Variants in TASOR2 observed in about 807,000 individuals in gnomAD.
TASOR2 encodes protein TASOR 2.
TASOR2 carries 84 observed loss-of-function variants against 199.5 expected under a neutral mutation model. The observed-to-expected ratio is 0.42, with a 90% CI of 0.35 to 0.50. The LOEUF (loss-of-function observed/expected upper bound fraction) is 0.50, where lower values mean the gene tolerates loss of function less well. Ranked by LOEUF, TASOR2 falls within the 20% of genes least tolerant of loss-of-function variation. TASOR2 has a pLI of 0.02. For missense variants in TASOR2, 2,796 were observed against 2,835.9 expected, an observed-to-expected ratio of 0.99 and a Z score of 0.32; for synonymous variants, 1,103 against 1,046.6, an observed-to-expected ratio of 1.05 and a Z score of -1.04.
rs773069662 is a variant in TASOR2, at chr10:5,710,982, T to C, written c.-287-1841T>C. On this transcript the variant is annotated intron_variant, in intron 1 of 20. Coordinates refer to ENST00000328090, the Ensembl canonical transcript of TASOR2. This position sits in a 1 kb window ranked among gnomAD's most constrained non-coding sequence, Gnocchi z 4.6. Reference sequence around the variant, plus strand: ...AATAAAGCTTTAATTTTAACTCTTATAACTGGTGTTTTGCTATTTGCATCT... The same window carrying C: ...AATAAAGCTTTAATTTTAACTCTTACAACTGGTGTTTTGCTATTTGCATCT... 6.6e-6 allele frequency among the ~76,000 whole-genome samples: 1 copy of C among 152,154 alleles called. No homozygotes were observed. The highest frequency in any genetic ancestry group is 1.5e-5 in the Non-Finnish European group (1 of 67,964).
chr10:5,725,390 CAAAAAAAAAAA>C, intron 8 of TASOR2, among the ~76,000 whole-genome samples: 1 of 78,968 alleles, frequency 1.3e-5, no homozygotes, highest in East Asian at 3.8e-4. Flanking sequence ...GACTCCATCT[CAAAAAAAAAAA>C]AAAAAAAAAA....
intron 10 of TASOR2, 66 bp downstream of exon 11, chr10:5,727,189 C>T: frequency 6.5e-7 from 1 of 1,541,170 alleles, no homozygotes; most frequent in Admixed American, 1.7e-5. Flanking sequence ...TCTGACTTGA[C>T]CTCTCAGCAG....
At chr10:5,712,357 C>G (rs1832034237) in intron 1 of TASOR2, 1 of 1,229,128 alleles carries the variant, frequency 8.1e-7, no homozygotes, top group African/African-American at 1.6e-5. Flanking sequence ...CCTTTGGAAT[C>G]TTAAATAGCT....
In TASOR2 at chr10:5,748,797, A is replaced by G; in HGVS notation, c.5376A>G (p.Val1792=). The change falls in exon 15 of 21, where the codon GTA becomes GTG. Residue 1792 remains valine (V), a synonymous_variant. Transcript: ENST00000328090. The surrounding 1 kb of genome is among the most constrained non-coding windows in gnomAD (Gnocchi z 5.1). ...TTTGTGGAATAGCCACAGAGCACGT[A>G]GAAATTGAGAACAGTGGGGAGGGGC... The G allele has an allele frequency of 6.2e-7, 1 of 1,614,200 alleles. No homozygotes were observed. The highest frequency in any genetic ancestry group is 1.1e-5 in the South Asian group (1 of 91,086).
intron 10 of TASOR2, among the ~76,000 whole-genome samples, chr10:5,729,686 TA>T (rs949181456): frequency 6.6e-6 from 1 of 152,260 alleles, no homozygotes; most frequent in Admixed American, 6.5e-5. Flanking sequence ...TACTTTTCTT[TA>T]AAAAGAATGG....
intron 8 of TASOR2, among the ~76,000 whole-genome samples, chr10:5,724,972 C>G (rs1215054286): frequency 6.6e-6 from 1 of 152,052 alleles, no homozygotes; most frequent in Non-Finnish European, 1.5e-5. Context: ...GACTGTCCAT[C>G]TCAAAATATT....
At position 5,748,260 on chromosome 10, in the gene TASOR2, C is replaced by T; in HGVS notation, c.4839C>T (p.Ser1613=). 6.2e-7 allele frequency: 1 copy of T among 1,614,204 alleles called. No homozygotes were observed. The highest frequency in any genetic ancestry group is 8.5e-7 in the Non-Finnish European group (1 of 1,180,044). The change falls in exon 15 of 21, where the codon AGC becomes AGT. Residue 1613 remains serine (S), a synonymous_variant. Transcript: ENST00000328090. This position sits in a 1 kb window ranked among gnomAD's most constrained non-coding sequence, Gnocchi z 5.1. ...TAAAACAGCAGACTAGCCCTAAAAG[C>T]AGTCAGAACCATCTCTTTCCCGGTG...
exon 15 of TASOR2, chr10:5,747,691 A>T: frequency 6.2e-7 from 1 of 1,614,202 alleles, no homozygotes; most frequent in Non-Finnish European, 8.5e-7. Context: ...GACTCCATGC[A>T]TTTTAAAACT....
Position 5,751,337 on chromosome 10 carries a change from G to A in TASOR2, c.6606+1310G>A, listed in dbSNP as rs1838006278. 6.6e-6 allele frequency among the ~76,000 whole-genome samples: 1 copy of A among 152,204 alleles called. No individual in the cohort carries two copies. Among genetic ancestry groups the A allele is most frequent in the Non-Finnish European group, 1.5e-5 (1 of 68,042 alleles). On this transcript the variant is annotated intron_variant, in intron 15 of 20. Coordinates refer to ENST00000328090, the Ensembl canonical transcript of TASOR2. This position sits in a 1 kb window ranked among gnomAD's most constrained non-coding sequence, Gnocchi z 5.3. ...ATGATGATTGCCAAATAGTGATACT[G>A]AAATTCCACCAGATTCCTTCTGCAT...
At chr10:5,745,907 G>T (rs1327969488) in intron 14 of TASOR2, among the ~76,000 whole-genome samples, 3 of 152,286 alleles carry the variant, frequency 2.0e-5, no homozygotes, top group South Asian at 4.1e-4. Flanking sequence ...ATTGTCAGTG[G>T]TCTAGTTATT....
chr10:5,745,416 A>G (rs17143159), intron 14 of TASOR2, among the ~76,000 whole-genome samples: 2,098 of 152,274 alleles, frequency 0.014, 64 homozygotes, highest in Admixed American at 0.081. Flanking sequence ...CCTCATGGGA[A>G]AGTTTCAGAT....
rs1335416451 is a variant in TASOR2, at chr10:5,746,189, A to G, written c.2768A>G (p.Glu923Gly). The G allele has an allele frequency of 2.0e-6, 3 of 1,532,452 alleles. No individual in the cohort carries two copies. The African/African-American group carries it at 4.2e-5, about 22-fold the overall frequency. The allele number at this position is 1,532,452 out of a possible 1,614,324, so 94.9% of individuals were successfully genotyped here. The change falls in exon 15 of 21, where the codon GAA (glutamate) becomes GGA (glycine). Residue 923 changes from glutamate (E) to glycine (G), a missense_variant. By Grantham distance (98) the Glu-to-Gly change is moderately conservative. Coordinates refer to ENST00000328090, the Ensembl canonical transcript of TASOR2. Reference sequence around the variant, plus strand: ...CTTTGGCCGTTTCAGGTAACTGGGGAAGAAGCTAAACAAGAATCATTGGAG... The same window carrying G: ...CTTTGGCCGTTTCAGGTAACTGGGGGAGAAGCTAAACAAGAATCATTGGAG...
At chr10:5,758,835 C>G (rs750764278) in intron 17 of TASOR2, 52 bp from the exon 19 acceptor site, 30 of 1,411,198 alleles carry the variant, frequency 2.1e-5, no homozygotes, top group Non-Finnish European at 2.8e-5. Context: ...TGGCATGAGC[C>G]AAAAGTACCT....
chr10:5,709,901 A>G (rs552671972), intron 1 of TASOR2, among the ~76,000 whole-genome samples: 2 of 152,178 alleles, frequency 1.3e-5, no homozygotes, highest in African/African-American at 2.4e-5. Context: ...CCTTTCTCAC[A>G]TGCTCTTTAT....
chr10:5,723,731 A>G (rs1286119309), exon 7 of TASOR2: 2 of 1,605,524 alleles, frequency 1.2e-6, no homozygotes, highest in African/African-American at 2.7e-5. Context: ...TGAAAAAAAG[A>G]CTACCAGAGG....
In TASOR2 at chr10:5,754,731, A is replaced by G. The variant is rs1420233821; in HGVS notation, c.6607-1882A>G. On this transcript the variant is annotated intron_variant, in intron 15 of 20. Coordinates refer to ENST00000328090, the Ensembl canonical transcript of TASOR2. The surrounding 1 kb of genome is among the most constrained non-coding windows in gnomAD (Gnocchi z 4.3). ...CAGAAAATAACAAATGTGCAAAGGT[A>G]AAACTACTTGTCAACTGAGAAAGTG... Among the ~76,000 whole-genome samples, 2 of 152,148 alleles carry G rather than the reference A, an allele frequency of 1.3e-5. No homozygotes were observed. The highest frequency in any genetic ancestry group is 4.8e-5 in the African/African-American group (2 of 41,436).
chr10:5,758,960 C>T (rs1229323082), exon 18 of TASOR2: 2 of 1,613,908 alleles, frequency 1.2e-6, no homozygotes, highest in Non-Finnish European at 1.7e-6. Flanking sequence ...TGCTTCACTA[C>T]AGGGAAAATA....
At chr10:5,694,397 G>T (rs142010230) in intron 1 of TASOR2, among the ~76,000 whole-genome samples, 25 of 152,254 alleles carry the variant, frequency 1.6e-4, no homozygotes, top group African/African-American at 5.5e-4. Context: ...TGTATAACAG[G>T]CACTGTTCTG....
At chr10:5,714,445 C>T (rs536278717) in intron 2 of TASOR2, 16 of 324,164 alleles carry the variant, frequency 4.9e-5, no homozygotes, top group African/African-American at 3.2e-4. Context: ...TAAATTGTCA[C>T]AATGGCAATA....
Sources: gnomAD v4.1 joint callset for allele counts (sites outside exome capture counted in the v4.1 genomes callset) on GRCh38, gnomAD v4.1.1 for gene constraint, Gnocchi (gnomAD v3.1) non-coding constraint, MANE v1.5 for transcripts, NCBI Gene and HGNC (gene_info 2026-07-23, HGNC 2026-07-21) for gene names.